The following CDH9 variants were observed in gnomAD, a reference collection of about 807,000 sequenced individuals.
The protein encoded by CDH9 is cadherin 9.
In CDH9, 28 loss-of-function variants were observed where a neutral mutation model predicts 70.9. The observed-to-expected ratio is 0.40, with a 90% CI of 0.29 to 0.54. CDH9 has a LOEUF of 0.54. Ranked by LOEUF, CDH9 falls within the 20% of genes least tolerant of loss-of-function variation. The pLI, the probability that CDH9 is intolerant of heterozygous loss-of-function variation, is 0.59. For missense variants in CDH9, 874 were observed against 984.4 expected, an observed-to-expected ratio of 0.89 and a Z score of 1.50; for synonymous variants, 409 against 343.1, an observed-to-expected ratio of 1.19 and a Z score of -2.12.
At chr5:26,972,474 T>A (rs1182015249) in intron 2 of CDH9, among the ~76,000 whole-genome samples, 1 of 152,134 alleles carries the variant, frequency 6.6e-6, no homozygotes, top group African/African-American at 2.4e-5. Flanking sequence ...AATCTGAGAA[T>A]ACTCACGTTC....
intron 1 of CDH9, among the ~76,000 whole-genome samples, chr5:27,017,355 CT>C (rs1255410425): frequency 6.6e-6 from 1 of 151,822 alleles, no homozygotes; most frequent in Admixed American, 6.6e-5. Context: ...TGAAGAAATG[CT>C]TTCCACTCAA....
chr5:26,982,207 A>G (rs549949858), intron 2 of CDH9, among the ~76,000 whole-genome samples: 19 of 150,616 alleles, frequency 1.3e-4, no homozygotes, highest in African/African-American at 4.6e-4. Flanking sequence ...ATGAGTTGGA[A>G]TATTAGAAGT....
Position 26,886,071 on chromosome 5 carries a change from C to G in CDH9, c.1525G>C (p.Val509Leu). The change falls in exon 10 of 12, where the codon GTC becomes CTC. Residue 509 changes from valine (V) to leucine (L), a missense_variant. Physicochemically the swap from Val to Leu is conservative, Grantham distance 32. Transcript: ENST00000231021. ...GGGTCATCCTTATCCATGACACTGA[C>G]AGTCTGAATCAACTGAAACCAAAAT... ...NAKPGQLIQT[V>L]SVMDKDDPPR... 3.1e-6 allele frequency: 5 copies of G among 1,591,570 alleles called. No individual in the cohort carries two copies. Among genetic ancestry groups the G allele is most frequent in the Non-Finnish European group, 4.3e-6 (5 of 1,174,270 alleles).
chr5:26,971,465 A>G (rs1477692675), intron 2 of CDH9, among the ~76,000 whole-genome samples: 2 of 152,198 alleles, frequency 1.3e-5, no homozygotes, highest in Non-Finnish European at 2.9e-5. Flanking sequence ...TGTGCTCTCA[A>G]TGTATAAAAT....
intron 2 of CDH9, among the ~76,000 whole-genome samples, chr5:26,979,412 TA>T (rs1239281423): frequency 6.6e-6 from 1 of 150,754 alleles, no homozygotes; most frequent in Admixed American, 6.6e-5. Flanking sequence ...CATAGATGTT[TA>T]AAAAAATGAT....
chr5:26,924,576 T>A, intron 2 of CDH9, among the ~76,000 whole-genome samples: 1 of 149,908 alleles, frequency 6.7e-6, no homozygotes, highest in East Asian at 2.2e-4. Flanking sequence ...TACTTTCAGT[T>A]CTAGAGTACA....
At chr5:26,974,949 A>G (rs185329411) in intron 2 of CDH9, among the ~76,000 whole-genome samples, 2 of 152,114 alleles carry the variant, frequency 1.3e-5, no homozygotes, top group East Asian at 1.9e-4. Context: ...CCATCCTATC[A>G]CTAACAGTTT....
At chr5:26,910,059 A>C (rs554141589) in intron 3 of CDH9, among the ~76,000 whole-genome samples, 1 of 152,194 alleles carries the variant, frequency 6.6e-6, no homozygotes, top group African/African-American at 2.4e-5. Context: ...AAATCAATTC[A>C]TTTTATTACA....
intron 2 of CDH9, among the ~76,000 whole-genome samples, chr5:26,938,461 A>G (rs1446423973): frequency 6.6e-6 from 1 of 151,966 alleles, no homozygotes; most frequent in African/African-American, 2.4e-5. Flanking sequence ...ATAGGATACT[A>G]TATATATAAT....
At position 26,902,628 on chromosome 5, in the gene CDH9, T is replaced by A. The variant is rs373814780; in HGVS notation, c.1101A>T (p.Thr367=). ...CTTCCACAGATATTTTGACCACAGC[T>A]GTATCTTTGAAAGGTCCCAGGTGTA... The part of the protein sequence containing the change: ...RFLHLGPFKD[T]AVVKISVEDI... Residue 367 remains threonine (T), a synonymous_variant, in exon 7 of 12, where the codon ACA becomes ACT. Transcript: ENST00000231021. 4 of 1,602,352 alleles carry A rather than the reference T, an allele frequency of 2.5e-6. No individual in the cohort carries two copies. Among genetic ancestry groups the A allele is most frequent in the Non-Finnish European group, 3.4e-6 (4 of 1,169,706 alleles).
intron 2 of CDH9, among the ~76,000 whole-genome samples, chr5:26,983,878 GAA>G (rs985183582): frequency 1.3e-5 from 2 of 151,922 alleles, no homozygotes; most frequent in African/African-American, 4.8e-5. Context: ...AAAAGCTTAA[GAA>G]AAAGTTACCT....
intron 1 of CDH9, among the ~76,000 whole-genome samples, chr5:27,035,171 G>GTATATATATATATATATATATA (rs35693444): frequency 7.0e-6 from 1 of 143,254 alleles, no homozygotes; most frequent in African/African-American, 2.5e-5. Flanking sequence ...TATTGCATAT[G>GTATATATATATATATATATATA]TATATATATA....
intron 9 of CDH9, among the ~76,000 whole-genome samples, chr5:26,889,602 T>C (rs551852471): frequency 1.3e-5 from 2 of 152,248 alleles, no homozygotes; most frequent in East Asian, 3.9e-4. Context: ...ACCTAGTATA[T>C]AAATTAAAAC....
chr5:26,929,512 A>C lies in CDH9; in HGVS notation c.229-13588T>G, dbSNP rs191077419. ...ACATACATAGCCAAGATAAAGGAAA[A>C]CAATGTGTTGAAGAGACATCTGCAC... On this transcript the variant is annotated intron_variant, in intron 2 of 11. Transcript: ENST00000231021. Among the ~76,000 whole-genome samples, 485 of 152,146 alleles carry C rather than the reference A, an allele frequency of 3.2e-3. 2 individuals are homozygous for C. The highest frequency in any genetic ancestry group is 0.011 in the African/African-American group (460 of 41,558).
intron 2 of CDH9, among the ~76,000 whole-genome samples, chr5:26,928,172 CA>C (rs1226859459): frequency 2.0e-5 from 3 of 151,814 alleles, no homozygotes; most frequent in South Asian, 2.1e-4. Context: ...AATCAACATA[CA>C]AAAAACAATA....
At chr5:26,893,679 ATATTT>A (rs148742974) in intron 7 of CDH9, among the ~76,000 whole-genome samples, 30,892 of 148,110 alleles carry the variant, frequency 0.21, 3,411 homozygotes, top group South Asian at 0.36. Flanking sequence ...GCATATATAT[ATATTT>A]TATTTTATTT....
rs756901799 is a variant in CDH9, at chr5:26,988,288, A to G, written c.46T>C (p.Phe16Leu). 12 of 1,613,330 alleles carry G rather than the reference A, an allele frequency of 7.4e-6. No homozygotes were observed. In the South Asian group the frequency reaches 1.3e-4, roughly 18 times the overall value. The change falls in exon 2 of 12, where the codon TTC becomes CTC. Residue 16 changes from phenylalanine (F) to leucine (L), a missense_variant. Phe to Leu is a conservative substitution (Grantham distance 22, BLOSUM62 0). Coordinates refer to ENST00000231021, the MANE Select transcript of CDH9 (RefSeq NM_016279.4). ...AATAGGATGGTGTCAACTGTATGGA[A>G]CATATAGGTCCAGATGAATAATGGT... is the stretch of plus-strand genomic sequence containing the variant. Reference protein sequence around the residue: ...YIPLFIWTYMFHTVDTILLQE... With the variant: ...YIPLFIWTYMLHTVDTILLQE...
chr5:26,979,408 T>C (rs1742361663), intron 2 of CDH9, among the ~76,000 whole-genome samples: 1 of 150,768 alleles, frequency 6.6e-6, no homozygotes, highest in South Asian at 2.1e-4. Context: ...TAAACATAGA[T>C]GTTTAAAAAA....
chr5:26,916,077 AT>A (rs1052670825), intron 2 of CDH9, among the ~76,000 whole-genome samples, 153 bp from the exon 3 acceptor site: 2 of 151,930 alleles, frequency 1.3e-5, no homozygotes, highest in Non-Finnish European at 2.9e-5. Flanking sequence ...GGAGTTAAAT[AT>A]TTCAGTTCTT....
Sources: gnomAD v4.1 joint callset for allele counts (sites outside exome capture counted in the v4.1 genomes callset) on GRCh38, gnomAD v4.1.1 for gene constraint, MANE v1.5 for transcripts, NCBI Gene and HGNC (gene_info 2026-07-23, HGNC 2026-07-21) for gene names.